Variants in RAB2A observed in about 807,000 individuals in gnomAD.
RAB2A encodes ras-related protein Rab-2A.
In RAB2A, 7 loss-of-function variants were observed where a neutral mutation model predicts 32.5. That is an observed-to-expected ratio of 0.22 (90% confidence interval 0.12 to 0.40). The LOEUF is 0.40. Ranked by LOEUF, RAB2A falls within the 10% of genes least tolerant of loss-of-function variation. The probability of loss-of-function intolerance (pLI) is 1.00; values close to 1 mark genes in which losing one functional copy is unlikely to be tolerated. For synonymous variants in RAB2A, 79 were observed against 85.2 expected (o/e 0.93, Z 0.40); for missense variants, 108 against 260.7 (o/e 0.41, Z 4.03).
chr8:60,605,062 G>C (rs1416364624), intron 6 of RAB2A, among the ~76,000 whole-genome samples: 1 of 131,796 alleles, frequency 7.6e-6, no homozygotes, highest in Non-Finnish European at 1.5e-5. Flanking sequence ...GTCAGGGCCA[G>C]GGTCAGGGCC....
At chr8:60,593,826 A>G (rs1434189445) in intron 6 of RAB2A, among the ~76,000 whole-genome samples, 1 of 152,200 alleles carries the variant, frequency 6.6e-6, no homozygotes, top group Admixed American at 6.5e-5. Flanking sequence ...TGCCTCAACA[A>G]ACAAGGAACA....
chr8:60,522,550 A>G (rs1482565261), intron 1 of RAB2A, among the ~76,000 whole-genome samples: 2 of 152,192 alleles, frequency 1.3e-5, no homozygotes, highest in Admixed American at 1.3e-4. Context: ...AATATCACAC[A>G]TAGTATTGGT....
At chr8:60,580,142 G>T (rs1803718610) in intron 3 of RAB2A, among the ~76,000 whole-genome samples, 1 of 151,620 alleles carries the variant, frequency 6.6e-6, no homozygotes, top group Admixed American at 6.6e-5. Context: ...GATTACAGGT[G>T]TGCGCCACCA....
intron 6 of RAB2A, among the ~76,000 whole-genome samples, chr8:60,616,881 C>T (rs1442595743): frequency 6.6e-6 from 1 of 152,196 alleles, no homozygotes; most frequent in Non-Finnish European, 1.5e-5. Context: ...AAGGTGAAAA[C>T]ATATCAGTCC....
intron 1 of RAB2A, among the ~76,000 whole-genome samples, chr8:60,548,903 G>A (rs1231370651): frequency 6.8e-6 from 1 of 147,652 alleles, no homozygotes; most frequent in Non-Finnish European, 1.5e-5. Context: ...GCCGGGCAGA[G>A]GGGCTCCTCA....
At chr8:60,599,109 A>C (rs2981283) in intron 6 of RAB2A, among the ~76,000 whole-genome samples, 12,466 of 152,092 alleles carry the variant, frequency 0.082, 1,556 homozygotes, top group African/African-American at 0.27. Context: ...TAGACATAAA[A>C]ATCAATCGTA....
At chr8:60,565,735 A>C in intron 2 of RAB2A, among the ~76,000 whole-genome samples, 2 of 86,262 alleles carry the variant, frequency 2.3e-5, no homozygotes, top group Admixed American at 1.8e-4. Context: ...TTTTGAGACC[A>C]AGTCTCGCTC....
intron 1 of RAB2A, among the ~76,000 whole-genome samples, chr8:60,534,092 A>G (rs1206769805): frequency 1.3e-5 from 2 of 152,232 alleles, no homozygotes; most frequent in African/African-American, 2.4e-5. Context: ...CACAATAACT[A>G]TAAGAAAATG....
intron 5 of RAB2A, 22 bp from the exon 6 acceptor site, chr8:60,591,836 A>G: frequency 6.9e-7 from 1 of 1,458,998 alleles, no homozygotes; most frequent in African/African-American, 1.4e-5. Context: ...TAGTAATGTG[A>G]CCCTTTCTTT....
intron 1 of RAB2A, among the ~76,000 whole-genome samples, chr8:60,557,083 G>A (rs1390951135): frequency 6.6e-6 from 1 of 152,130 alleles, no homozygotes. Flanking sequence ...TCCTACACCT[G>A]AAAGTCTGTT....
chr8:60,526,968 CAAAAAAAA>C (rs34685368), intron 1 of RAB2A, among the ~76,000 whole-genome samples: 5 of 91,660 alleles, frequency 5.5e-5, no homozygotes. Context: ...GACTCCATCT[CAAAAAAAA>C]AAAAAAAAAA....
intron 3 of RAB2A, among the ~76,000 whole-genome samples, chr8:60,578,846 G>A (rs915638536): frequency 6.6e-6 from 1 of 152,244 alleles, no homozygotes. Flanking sequence ...TAAAATTATG[G>A]TGCAAAGGAT....
intron 3 of RAB2A, among the ~76,000 whole-genome samples, chr8:60,581,869 T>A (rs995548073): frequency 5.3e-5 from 8 of 151,716 alleles, no homozygotes; most frequent in Non-Finnish European, 1.0e-4. Context: ...TAATAAATTT[T>A]AAAAAACAAT....
intron 3 of RAB2A, among the ~76,000 whole-genome samples, chr8:60,577,945 G>T (rs942568592): frequency 3.3e-5 from 5 of 151,954 alleles, no homozygotes; most frequent in African/African-American, 1.2e-4. Flanking sequence ...CCCGGCCAAG[G>T]TCTAAATTTT....
At chr8:60,570,037 G>C (rs529524813) in intron 2 of RAB2A, 21 of 456,194 alleles carry the variant, frequency 4.6e-5, no homozygotes, top group African/African-American at 3.8e-4. Context: ...CTTCTCATCT[G>C]CTCGGATGGA....
intron 1 of RAB2A, among the ~76,000 whole-genome samples, chr8:60,523,849 C>T (rs939946031): frequency 1.3e-5 from 2 of 151,946 alleles, no homozygotes; most frequent in Non-Finnish European, 2.9e-5. Context: ...CATGACCATG[C>T]CTGGCTAATT....
At chr8:60,588,445 A>T (rs1803882882) in intron 5 of RAB2A, among the ~76,000 whole-genome samples, 1 of 152,252 alleles carries the variant, frequency 6.6e-6, no homozygotes, top group Non-Finnish European at 1.5e-5. Flanking sequence ...AATATCAATT[A>T]ACAGATGAAT....
At chr8:60,585,282 T>TTTTG (rs1563478268) in intron 5 of RAB2A, among the ~76,000 whole-genome samples, 27 of 148,538 alleles carry the variant, frequency 1.8e-4, no homozygotes, top group African/African-American at 5.8e-4. Context: ...GGCACCATTC[T>TTTTG]TTTTGTTTTG....
intron 2 of RAB2A, among the ~76,000 whole-genome samples, chr8:60,567,479 G>A (rs921698951): frequency 6.6e-6 from 1 of 151,920 alleles, no homozygotes; most frequent in African/African-American, 2.4e-5. Flanking sequence ...AAGTTTTCTT[G>A]ATCATCCTTG....
Sources: gnomAD v4.1 joint callset for allele counts (sites outside exome capture counted in the v4.1 genomes callset) on GRCh38, gnomAD v4.1.1 for gene constraint, MANE v1.5 for transcripts, NCBI Gene and HGNC (gene_info 2026-07-23, HGNC 2026-07-21) for gene names.